The following PLA2G4C variants were observed in gnomAD, a reference collection of about 807,000 sequenced individuals.
PLA2G4C encodes the protein cytosolic phospholipase A2 gamma.
Under a neutral mutation model 73.8 loss-of-function variants are expected in PLA2G4C, and 64 were observed. The observed-to-expected ratio is 0.87, with a 90% confidence interval of 0.71 to 1.07. The LOEUF is 1.07. Among genes scored for constraint, PLA2G4C ranks in the 50% least tolerant of loss-of-function variants. The pLI is 0.00. For missense variants in PLA2G4C, 622 were observed against 665.4 expected, an observed-to-expected ratio of 0.93 and a Z score of 0.72; for synonymous variants, 254 against 252.1, an observed-to-expected ratio of 1.01 and a Z score of -0.07.
chr19:48,089,978 G>T (rs1464298549), intron 8 of PLA2G4C, among the ~76,000 whole-genome samples: 1 of 152,190 alleles, frequency 6.6e-6, no homozygotes, highest in Non-Finnish European at 1.5e-5. Flanking sequence ...ACCAGGTAAT[G>T]ATTGCTAATG....
chr19:48,056,939 C>T (rs1229799775), intron 14 of PLA2G4C, among the ~76,000 whole-genome samples: 2 of 151,352 alleles, frequency 1.3e-5, no homozygotes, highest in Non-Finnish European at 2.9e-5. Context: ...GATGAGAACA[C>T]ATGGACACAC....
chr19:48,077,835 G>A lies in PLA2G4C; in HGVS notation c.845-11C>T. On this transcript the variant is annotated splice_polypyrimidine_tract_variant and intron_variant, in intron 10 of 16. Transcript: ENST00000599921. ...GCCTCAGTAATCGGGCTGCAAAAGAGCAGAGGCAGGGGGAATGTTTAACTG... is the reference window on the plus strand; with the variant it reads ...GCCTCAGTAATCGGGCTGCAAAAGAACAGAGGCAGGGGGAATGTTTAACTG... The A allele has an allele frequency of 6.2e-7, 1 of 1,602,990 alleles. No homozygotes were observed. Among genetic ancestry groups the A allele is most frequent in the Non-Finnish European group, 8.5e-7 (1 of 1,174,634 alleles).
intron 1 of PLA2G4C, chr19:48,106,808 T>G: frequency 1.8e-6 from 1 of 546,032 alleles, no homozygotes; most frequent in Non-Finnish European, 3.3e-6. Context: ...GGGTTTTTCC[T>G]CGCTCTTTCT....
Position 48,099,625 on chromosome 19 carries a change from C to G in PLA2G4C, c.447+46G>C. 2.8e-6 allele frequency: 4 copies of G among 1,430,230 alleles called. No individual in the cohort carries two copies. The South Asian group carries it at 4.9e-5, about 18-fold the overall frequency. The allele number at this position is 1,430,230 out of a possible 1,614,324, so 88.6% of individuals were successfully genotyped here. A position where few individuals can be genotyped will look rare whatever the true frequency, so the allele number is the denominator to read the frequency against. ...TTTGGTAACCCCACACCCTGAGACC[C>G]CTTGCTCCTACCCCCACCCCAGGTC... On this transcript the variant is annotated intron_variant, in intron 5 of 16. Coordinates refer to ENST00000599921, the MANE Select transcript of PLA2G4C (RefSeq NM_003706.3).
intron 10 of PLA2G4C, among the ~76,000 whole-genome samples, chr19:48,079,877 C>T (rs1276419156): frequency 6.6e-6 from 1 of 152,148 alleles, no homozygotes; most frequent in Non-Finnish European, 1.5e-5. Context: ...AGGAGAATTG[C>T]TTGAGTCTGG....
intron 5 of PLA2G4C, 55 bp downstream of exon 5, chr19:48,099,616 C>T: frequency 7.5e-7 from 1 of 1,327,400 alleles, no homozygotes; most frequent in Non-Finnish European, 1.1e-6. Context: ...AACCCCACAC[C>T]CTGAGACCCC....
chr19:48,055,028 A>C lies in PLA2G4C; in HGVS notation c.1279T>G (p.Tyr427Asp). The stretch of plus-strand genomic sequence containing the variant: ...AAGGGGATCTTGTGGCGGCGGCAGT[A>C]GTCAGTGGTAGCCCGGATGGTCTGA... The part of the protein sequence containing the change: ...PFETIRATTD[Y>D]CRRHKIPFPQ... Residue 427 changes from tyrosine to aspartate, a missense_variant, in exon 15 of 17, where the codon TAC (tyrosine) becomes GAC (aspartate). By Grantham distance (160) the Tyr-to-Asp change is radical. Coordinates refer to ENST00000599921, the MANE Select transcript of PLA2G4C (RefSeq NM_003706.3). 6.2e-7 allele frequency: 1 copy of C among 1,611,246 alleles called. No homozygotes were observed. The highest frequency in any genetic ancestry group is 8.5e-7 in the Non-Finnish European group (1 of 1,179,070).
chr19:48,095,555 C>A lies in PLA2G4C; in HGVS notation c.618G>T (p.Gly206=), dbSNP rs1600238645. 6.2e-7 allele frequency: 1 copy of A among 1,613,992 alleles called. No individual in the cohort carries two copies. Among genetic ancestry groups the A allele is most frequent in the East Asian group, 2.2e-5 (1 of 44,880 alleles). The change falls in exon 7 of 17, where the codon GGG becomes GGT. Residue 206 remains glycine (G), a synonymous_variant. Transcript: ENST00000599921. The part of the protein sequence containing the change: ...TPHHAGFSAL[G]AFVSITHFGS... The stretch of plus-strand genomic sequence containing the variant: ...CGAAGTGGGTTATGGAAACAAAGGC[C>A]CCCAGTGCAGAGAAGCCAGCGTGGT...
chr19:48,062,247 G>T (rs753566787), intron 13 of PLA2G4C, 95 bp from the exon 14 acceptor site: 3 of 1,116,442 alleles, frequency 2.7e-6, no homozygotes, highest in Non-Finnish European at 3.7e-6. Flanking sequence ...GAAAATGATC[G>T]TTGTCAGTGT....
In PLA2G4C at chr19:48,067,685, C is replaced by T. The variant is rs1471889939; in HGVS notation, c.1102+106G>A. ...TTTGACACCACCCCCCTCCAAAGCT[C>T]TGGGGAAGGACCAGCCTGGGATTGT... On this transcript the variant is annotated intron_variant, in intron 13 of 16. Coordinates refer to ENST00000599921, the MANE Select transcript of PLA2G4C (RefSeq NM_003706.3). The T allele has an allele frequency of 3.8e-6, 3 of 795,260 alleles. No individual in the cohort carries two copies. The Admixed American group carries it at 5.5e-5, about 15-fold the overall frequency. 49.3% of individuals were successfully genotyped at this position (795,260 alleles called of 1,614,324 possible).
intron 10 of PLA2G4C, among the ~76,000 whole-genome samples, chr19:48,080,129 C>CAAG (rs35970411): frequency 0.75 from 113,214 of 151,644 alleles, 42,532 homozygotes; most frequent in East Asian, 0.93. Context: ...AAGAAATCAG[C>CAAG]AAGAAAACGA....
chr19:48,088,951 T>G (rs148835902), intron 8 of PLA2G4C, among the ~76,000 whole-genome samples: 1 of 152,178 alleles, frequency 6.6e-6, no homozygotes, highest in African/African-American at 2.4e-5. Flanking sequence ...ACCACAGGAA[T>G]TGGCAAACAC....
chr19:48,087,100 T>C (rs571892775), intron 9 of PLA2G4C, among the ~76,000 whole-genome samples: 75 of 152,272 alleles, frequency 4.9e-4, no homozygotes, highest in Non-Finnish European at 9.1e-4. Flanking sequence ...GTGACTCCTA[T>C]CCTAGGGGAA....
At chr19:48,066,378 G>A (rs1379192142) in intron 13 of PLA2G4C, among the ~76,000 whole-genome samples, 2 of 152,108 alleles carry the variant, frequency 1.3e-5, no homozygotes, top group Admixed American at 6.6e-5. Context: ...AACACTCATC[G>A]CCATGATCCA....
In PLA2G4C at chr19:48,072,191, T is replaced by C. The variant is rs12978997; in HGVS notation, c.1006+2576A>G. On this transcript the variant is annotated intron_variant, in intron 12 of 16. Transcript: ENST00000599921. The surrounding 1 kb of genome is among the most constrained non-coding windows in gnomAD (Gnocchi z 4.4). ...AAAACAAAACAAAAAAAAGTACGTT[T>C]TTTAAAAGAAAACTTTTTAAGGGAT... is the stretch of plus-strand genomic sequence containing the variant. The C allele has an allele frequency of 0.73, 111,431 of 152,082 alleles. 41,207 individuals are homozygous for C. Among genetic ancestry groups the C allele is most frequent in the East Asian group, 0.94 (4,847 of 5,178 alleles). 9.4% of individuals were successfully genotyped at this position (152,082 alleles called of 1,614,324 possible). A position where few individuals can be genotyped will look rare whatever the true frequency, so the allele number is the denominator to read the frequency against.
intron 14 of PLA2G4C, among the ~76,000 whole-genome samples, chr19:48,060,099 C>G (rs923874232): frequency 6.6e-6 from 1 of 151,926 alleles, no homozygotes; most frequent in Non-Finnish European, 1.5e-5. Context: ...CTTTCGGACT[C>G]GGACTGAGCC....
At chr19:48,092,251 G>T in intron 7 of PLA2G4C, among the ~76,000 whole-genome samples, 1 of 152,102 alleles carries the variant, frequency 6.6e-6, no homozygotes, top group East Asian at 1.9e-4. Flanking sequence ...GTTTCACCAT[G>T]TTGGTCAGGC....
At chr19:48,101,258 G>A (rs1213303075) in intron 4 of PLA2G4C, among the ~76,000 whole-genome samples, 1 of 151,056 alleles carries the variant, frequency 6.6e-6, no homozygotes, top group Admixed American at 6.6e-5. Context: ...CCAAGTAGCT[G>A]GGACCACTAC....
rs1967879920 is a variant in PLA2G4C at position 48,054,998 on chromosome 19, G to A, written c.1309C>T (p.Gln437Ter). The change falls in exon 15 of 17, where the codon CAA (glutamine) becomes TAA (stop). Residue 437 changes from glutamine (Q) to a stop codon, truncating the protein, a stop_gained. Coordinates refer to ENST00000599921, the MANE Select transcript of PLA2G4C (RefSeq NM_003706.3). LOFTEE classifies it high-confidence loss of function. ...AAATCCAGCTCAGCCTCTTCTACTT[G>A]GGGAAAGGGGATCTTGTGGCGGCGG... ...YCRRHKIPFP[Q>*]VEEAELDLWS... 1.2e-6 allele frequency: 2 copies of A among 1,613,172 alleles called. No homozygotes were observed. The highest frequency in any genetic ancestry group is 3.3e-5 in the Admixed American group (2 of 59,878).
Sources: gnomAD v4.1 joint callset for allele counts (sites outside exome capture counted in the v4.1 genomes callset) on GRCh38, gnomAD v4.1.1 for gene constraint, Gnocchi (gnomAD v3.1) non-coding constraint, MANE v1.5 for transcripts, NCBI Gene and HGNC (gene_info 2026-07-23, HGNC 2026-07-21) for gene names.